TYR: variants seen among roughly 807,000 people sequenced by gnomAD.
The protein encoded by TYR is LB24-AB.
A neutral mutation model predicts 51.5 loss-of-function variants in TYR; 58 were observed. The observed-to-expected ratio is 1.13, with a 90% confidence interval of 0.91 to 1.40. The LOEUF (loss-of-function observed/expected upper bound fraction) is 1.40. Among genes scored for constraint, TYR ranks in the 40% most tolerant of loss-of-function variants. The pLI is 0.00. For synonymous variants in TYR, 263 were observed against 235.2 expected, an observed-to-expected ratio of 1.12 and a Z score of -1.08; for missense variants, 732 against 647.4, an observed-to-expected ratio of 1.13 and a Z score of -1.42.
chr11:89,236,606 T>TTC (rs1944117875), intron 3 of TYR, among the ~76,000 whole-genome samples: 10 of 152,004 alleles, frequency 6.6e-5, no homozygotes, highest in Admixed American at 6.6e-4. Flanking sequence ...TACCACAGAA[T>TTC]ATTGTGTGGC....
intron 3 of TYR, among the ~76,000 whole-genome samples, chr11:89,269,493 G>A (rs1301351967): frequency 2.6e-5 from 4 of 151,852 alleles, no homozygotes; most frequent in East Asian, 1.9e-4. Flanking sequence ...AAAAAACACC[G>A]AAACTGCCTT....
At chr11:89,276,293 C>T (rs186178356) in intron 3 of TYR, among the ~76,000 whole-genome samples, 198 of 151,910 alleles carry the variant, frequency 1.3e-3, no homozygotes, top group Non-Finnish European at 2.1e-3. Flanking sequence ...GTTTTCTGTA[C>T]CTTTCCCACC....
rs190749746 is a variant in TYR at position 89,244,478 on chromosome 11, G to A, written c.1184+16508G>A. ...TGCAAGTCTTCAAATTCTCCTTTTG[G>A]TAATTCTCTGCATGGAATTAACTCT... On this transcript the variant is annotated intron_variant, in intron 3 of 4. Transcript: ENST00000263321. Among the ~76,000 whole-genome samples the A allele has an allele frequency of 1.6e-3, 240 of 152,210 alleles. 1 individual carries two copies. The highest frequency in any genetic ancestry group is 5.4e-3 in the African/African-American group (225 of 41,540).
intron 4 of TYR, among the ~76,000 whole-genome samples, chr11:89,286,733 G>A (rs1944791967): frequency 6.6e-6 from 1 of 151,832 alleles, no homozygotes; most frequent in African/African-American, 2.4e-5. Flanking sequence ...TGACAAAGGA[G>A]ATCAGTTTTT....
chr11:89,254,292 T>A (rs529622470), intron 3 of TYR, among the ~76,000 whole-genome samples: 1 of 151,914 alleles, frequency 6.6e-6, no homozygotes, highest in Admixed American at 6.6e-5. Flanking sequence ...TTTTTTGTTG[T>A]TATTGTTATG....
intron 2 of TYR, among the ~76,000 whole-genome samples, chr11:89,196,838 A>C (rs1565394099): frequency 1.3e-5 from 2 of 152,180 alleles, no homozygotes. Context: ...TTTAGGCTAA[A>C]CCAAAATCTA....
intron 3 of TYR, among the ~76,000 whole-genome samples, chr11:89,245,748 C>T (rs1386467976): frequency 1.3e-5 from 2 of 152,012 alleles, no homozygotes; most frequent in African/African-American, 2.4e-5. Flanking sequence ...TGGTGAAACT[C>T]GGTCTCTACT....
At chr11:89,263,100 A>T (rs1944482358) in intron 3 of TYR, among the ~76,000 whole-genome samples, 1 of 151,812 alleles carries the variant, frequency 6.6e-6, no homozygotes, top group South Asian at 2.1e-4. Context: ...ATGGAAAAAA[A>T]ATTCTAAGCA....
At chr11:89,240,134 G>A (rs1024797714) in intron 3 of TYR, among the ~76,000 whole-genome samples, 6 of 152,050 alleles carry the variant, frequency 3.9e-5, no homozygotes, top group Non-Finnish European at 7.4e-5. Flanking sequence ...TAGCTAATGG[G>A]TGCTGGGCTT....
Position 89,230,669 on chromosome 11 carries a change from C to T in TYR, c.1184+2699C>T, listed in dbSNP as rs547729258. On this transcript the variant is annotated intron_variant, in intron 3 of 4. Transcript: ENST00000263321. ...TAATATTCAAACTATATTAAAAAGT[C>T]GATTCAATAGTTAGAAAATAGAAAA... 9.9e-5 allele frequency among the ~76,000 whole-genome samples: 15 copies of T among 151,904 alleles called. No homozygotes were observed. The South Asian group carries it at 2.1e-3, about 21-fold the overall frequency.
intron 4 of TYR, among the ~76,000 whole-genome samples, chr11:89,293,024 G>A (rs1944867345): frequency 6.6e-6 from 1 of 152,062 alleles, no homozygotes. Flanking sequence ...TGGTTGGGGA[G>A]GTTGTTGGTA....
chr11:89,212,491 C>A lies in TYR; in HGVS notation c.1037-15332C>A, dbSNP rs149574227. ...GTCCAGGATCAGATGGATTCACAGC[C>A]GAATTCCACCAGAGGTACAAAGAGG... On this transcript the variant is annotated intron_variant, in intron 2 of 4. Transcript: ENST00000263321. Among the ~76,000 whole-genome samples the A allele has an allele frequency of 5.0e-3, 761 of 152,178 alleles. 5 individuals carry two copies. The highest frequency in any genetic ancestry group is 0.017 in the African/African-American group (717 of 41,532).
chr11:89,268,303 G>GAC (rs547446780), intron 3 of TYR, among the ~76,000 whole-genome samples: 1 of 150,864 alleles, frequency 6.6e-6, no homozygotes, highest in African/African-American at 2.4e-5. Flanking sequence ...AAATAAATAT[G>GAC]ATATATATAT....
At chr11:89,259,632 G>A (rs1439435356) in intron 3 of TYR, among the ~76,000 whole-genome samples, 3 of 151,956 alleles carry the variant, frequency 2.0e-5, no homozygotes, top group East Asian at 1.9e-4. Context: ...AAAATTCCTC[G>A]AATGTTCATG....
At chr11:89,248,748 T>C (rs1208538968) in intron 3 of TYR, among the ~76,000 whole-genome samples, 1 of 152,080 alleles carries the variant, frequency 6.6e-6, no homozygotes, top group Non-Finnish European at 1.5e-5. Context: ...ACTGTTAGAG[T>C]GAAAACTTCA....
chr11:89,247,915 G>T (rs1047392259), intron 3 of TYR, among the ~76,000 whole-genome samples: 45 of 152,144 alleles, frequency 3.0e-4, no homozygotes, highest in Non-Finnish European at 1.8e-4. Context: ...AAATATCAGA[G>T]CCAAGGGATG....
intron 4 of TYR, among the ~76,000 whole-genome samples, chr11:89,287,435 A>G (rs1304850777): frequency 1.3e-5 from 2 of 151,880 alleles, no homozygotes; most frequent in Non-Finnish European, 2.9e-5. Flanking sequence ...ACATTTATTG[A>G]ATACGTACTT....
At chr11:89,213,141 G>A (rs1025659234) in intron 2 of TYR, among the ~76,000 whole-genome samples, 2 of 152,142 alleles carry the variant, frequency 1.3e-5, no homozygotes, top group East Asian at 1.9e-4. Context: ...AAGGGAGGAA[G>A]TCCAATTGTC....
At chr11:89,179,693 G>A (rs1445480202) in intron 1 of TYR, among the ~76,000 whole-genome samples, 1 of 152,156 alleles carries the variant, frequency 6.6e-6, no homozygotes, top group Non-Finnish European at 1.5e-5. Context: ...TGCATTAGAA[G>A]TTAGCTTTCT....
Sources: allele counts gnomAD v4.1 joint callset (sites outside exome capture counted in the v4.1 genomes callset), GRCh38; gene constraint gnomAD v4.1.1; transcripts MANE v1.5; gene names NCBI Gene and HGNC (gene_info 2026-07-23, HGNC 2026-07-21).